The following SUSD4 variants were observed in gnomAD, a reference collection of about 807,000 sequenced individuals.
The protein encoded by SUSD4 is sushi domain containing 4.
SUSD4 carries 41 observed loss-of-function variants against 50.5 expected under a neutral mutation model. That is an observed-to-expected ratio of 0.81 (90% CI 0.63 to 1.05). The LOEUF is 1.05. Among genes scored for constraint, SUSD4 ranks in the 50% least tolerant of loss-of-function variants. The pLI is 0.00. For synonymous variants in SUSD4, 257 were observed against 257.3 expected, an observed-to-expected ratio of 1.00 and a Z score of 0.01; for missense variants, 580 against 634.7, an observed-to-expected ratio of 0.91 and a Z score of 0.93.
chr1:223,294,695 TA>T (rs1223106297), intron 2 of SUSD4, among the ~76,000 whole-genome samples: 2 of 152,194 alleles, frequency 1.3e-5, no homozygotes, highest in Non-Finnish European at 2.9e-5. Context: ...ACTTATTAAG[TA>T]GGAGCAGGTC....
intron 2 of SUSD4, among the ~76,000 whole-genome samples, chr1:223,322,444 C>A (rs909407704): frequency 6.6e-6 from 1 of 152,162 alleles, no homozygotes; most frequent in Non-Finnish European, 1.5e-5. Context: ...ACAGGAAAGA[C>A]CTAACACATC....
intron 5 of SUSD4, chr1:223,264,416 C>T: frequency 7.8e-7 from 1 of 1,280,266 alleles, no homozygotes; most frequent in South Asian, 3.0e-5. Context: ...TATCTGCTCT[C>T]CTCTTTAAGC....
intron 2 of SUSD4, among the ~76,000 whole-genome samples, chr1:223,296,580 C>A (rs888507219): frequency 1.3e-5 from 2 of 152,140 alleles, no homozygotes; most frequent in South Asian, 4.1e-4. Context: ...GGAGGAGCAG[C>A]TGAGGACACA....
Position 223,264,817 on chromosome 1 carries a change from G to T in SUSD4, c.537C>A (p.Gly179=). 6.2e-7 allele frequency: 1 copy of T among 1,611,934 alleles called. No individual in the cohort carries two copies. The highest frequency in any genetic ancestry group is 8.5e-7 in the Non-Finnish European group (1 of 1,178,656). The stretch of plus-strand genomic sequence containing the variant: ...TAGAAGAGGCTAGAGGTCTCAGGCA[G>T]CCTGTGGAAGGTGAAAGAAAAAGGG... The part of the protein sequence containing the change: ...GTWNNLPICQ[G]CLRPLASSNG... The change falls in exon 5 of 9, where the codon GGC becomes GGA. Residue 179 remains glycine (G), a splice_region_variant and synonymous_variant. Transcript: ENST00000366878.
At position 223,335,737 on chromosome 1, in the gene SUSD4, C is replaced by T. The variant is rs80034327; in HGVS notation, c.148+27541G>A. ...GATTCAGAAAACAGAGAATCTAACA[C>T]GAAGCAGTCAAGCATCAAGATAACC... On this transcript the variant is annotated intron_variant, in intron 2 of 8. Coordinates refer to ENST00000366878, the MANE Select transcript of SUSD4 (RefSeq NM_017982.4). Among the ~76,000 whole-genome samples, 1,123 of 152,166 alleles carry T rather than the reference C, an allele frequency of 7.4e-3. 35 individuals carry two copies. The East Asian group carries it at 0.11, about 14-fold the overall frequency.
At chr1:223,239,885 T>C (rs531948129) in intron 5 of SUSD4, among the ~76,000 whole-genome samples, 12 of 152,158 alleles carry the variant, frequency 7.9e-5, no homozygotes, top group Non-Finnish European at 1.6e-4. Flanking sequence ...TGTTCTTCCT[T>C]TCTTTATGTA....
intron 2 of SUSD4, among the ~76,000 whole-genome samples, chr1:223,352,705 G>T (rs919714163): frequency 1.3e-5 from 2 of 152,168 alleles, no homozygotes; most frequent in Non-Finnish European, 2.9e-5. Flanking sequence ...AAGCTATAGA[G>T]GACTCCCAAG....
chr1:223,222,110 C>A lies in SUSD4; in HGVS notation c.*82G>T. The A allele has an allele frequency of 1.4e-6, 2 of 1,474,924 alleles. No individual in the cohort carries two copies. Among genetic ancestry groups the A allele is most frequent in the East Asian group, 2.3e-5 (1 of 43,232 alleles). The allele number at this position is 1,474,924 out of a possible 1,614,324, so 91.4% of individuals were successfully genotyped here. Reference sequence around the variant, plus strand: ...ACAAGTTAGACATTTTGCCCCCAGGCTCTATCCTTCTGTGACCTCACTCCA... The same window carrying A: ...ACAAGTTAGACATTTTGCCCCCAGGATCTATCCTTCTGTGACCTCACTCCA... On this transcript the variant is annotated 3_prime_UTR_variant, in exon 9 of 9. Coordinates refer to ENST00000366878, the MANE Select transcript of SUSD4 (RefSeq NM_017982.4).
chr1:223,345,380 G>T (rs1012478509), intron 2 of SUSD4, among the ~76,000 whole-genome samples: 6 of 152,162 alleles, frequency 3.9e-5, no homozygotes, highest in African/African-American at 1.4e-4. Flanking sequence ...GAGGTTCAAG[G>T]ACATGTCCAA....
In SUSD4 at chr1:223,223,620, C is replaced by A. The variant is rs756928365; in HGVS notation, c.1073G>T (p.Arg358Leu). Reference protein sequence around the residue: ...KAHFPPRGPPRSSSSDPDFVV... With the variant: ...KAHFPPRGPPLSSSSDPDFVV... ...AAAGTCAGGGTCACTGCTGGAACTC[C>A]GGGGAGGCCCCCTGTGTAAAGGAAA... Residue 358 changes from arginine to leucine, a missense_variant, in exon 8 of 9, where the codon CGG becomes CTG. Physicochemically the swap from Arg to Leu is moderately radical, Grantham distance 102 (BLOSUM62 -2). Transcript: ENST00000366878. The A allele has an allele frequency of 6.2e-7, 1 of 1,604,936 alleles. No homozygotes were observed. The highest frequency in any genetic ancestry group is 8.5e-7 in the Non-Finnish European group (1 of 1,174,506).
At chr1:223,343,816 T>G (rs1667889577) in intron 2 of SUSD4, among the ~76,000 whole-genome samples, 1 of 152,228 alleles carries the variant, frequency 6.6e-6, no homozygotes, top group Non-Finnish European at 1.5e-5. Flanking sequence ...GAAGTCCCTG[T>G]GCAACTGCTG....
intron 5 of SUSD4, among the ~76,000 whole-genome samples, chr1:223,255,165 G>A: frequency 6.6e-6 from 1 of 152,194 alleles, no homozygotes; most frequent in South Asian, 2.1e-4. Context: ...TTCAGACAGG[G>A]AGAAACACAG....
At chr1:223,352,507 G>A (rs1431970544) in intron 2 of SUSD4, among the ~76,000 whole-genome samples, 2 of 152,152 alleles carry the variant, frequency 1.3e-5, no homozygotes, top group African/African-American at 2.4e-5. Flanking sequence ...GGGCCCATGG[G>A]TGGCAAAGAT....
At chr1:223,236,192 G>C (rs988083554) in intron 5 of SUSD4, among the ~76,000 whole-genome samples, 1 of 152,184 alleles carries the variant, frequency 6.6e-6, no homozygotes, top group Admixed American at 6.5e-5. Context: ...TTTAAAATCA[G>C]GTTGTTTGTG....
intron 2 of SUSD4, among the ~76,000 whole-genome samples, chr1:223,351,895 G>A (rs930844984): frequency 1.1e-4 from 17 of 151,844 alleles, no homozygotes; most frequent in African/African-American, 3.1e-4. Context: ...TTCCATGGAC[G>A]TTAGCTTAGG....
chr1:223,276,635 A>G (rs938596553), intron 3 of SUSD4, among the ~76,000 whole-genome samples: 1 of 152,258 alleles, frequency 6.6e-6, no homozygotes, highest in African/African-American at 2.4e-5. Context: ...TTTAGAAAAC[A>G]AAAACTAAAC....
rs996467175 is a variant in SUSD4, at chr1:223,259,254, C to T, written c.724+5376G>A. Among the ~76,000 whole-genome samples the T allele has an allele frequency of 4.0e-4, 61 of 152,190 alleles. 1 individual carries two copies. Among genetic ancestry groups the T allele is most frequent in the Non-Finnish European group, 8.8e-5 (6 of 68,038 alleles). ...GACACTGATTTTGGTTTCTTTTAAA[C>T]TCTAATCTCCCTAAATGTTTGATTG... is the stretch of plus-strand genomic sequence containing the variant. On this transcript the variant is annotated intron_variant, in intron 5 of 8. Transcript: ENST00000366878.
chr1:223,341,422 C>T (rs1183270387), intron 2 of SUSD4, among the ~76,000 whole-genome samples: 2 of 152,156 alleles, frequency 1.3e-5, no homozygotes, highest in East Asian at 3.9e-4. Flanking sequence ...GCAGCTGCCG[C>T]CAGCAGAGCC....
At chr1:223,314,426 A>T (rs1666059338) in intron 2 of SUSD4, among the ~76,000 whole-genome samples, 1 of 152,174 alleles carries the variant, frequency 6.6e-6, no homozygotes, top group Non-Finnish European at 1.5e-5. Context: ...CTCGTTGGTG[A>T]GCAGTGATGA....
Sources: gnomAD v4.1 joint callset for allele counts (sites outside exome capture counted in the v4.1 genomes callset) on GRCh38, gnomAD v4.1.1 for gene constraint, MANE v1.5 for transcripts, NCBI Gene and HGNC (gene_info 2026-07-23, HGNC 2026-07-21) for gene names.